Variants in NUP214 observed in about 807,000 individuals in gnomAD.
NUP214 encodes nucleoporin 214.
A neutral mutation model predicts 196.2 loss-of-function variants in NUP214; 79 were observed. The ratio of observed to expected loss-of-function variants is 0.40; its 90% CI spans 0.34 to 0.49. The LOEUF (loss-of-function observed/expected upper bound fraction) is 0.49, where lower values mean the gene tolerates loss of function less well. Among genes scored for constraint, NUP214 ranks in the 20% least tolerant of loss-of-function variants. NUP214 has a pLI of 0.58. For missense variants in NUP214, 2,468 were observed against 2,539.0 expected (o/e 0.97, Z 0.60); for synonymous variants, 1,020 against 990.5 (o/e 1.03, Z -0.56).
chr9:131,165,524 G>A (rs1426725423), intron 21 of NUP214, among the ~76,000 whole-genome samples: 1 of 152,124 alleles, frequency 6.6e-6, no homozygotes, highest in Admixed American at 6.5e-5. Flanking sequence ...ACTATTGGTG[G>A]GAATGTGAAA....
chr9:131,224,400 A>G (rs2131099065), intron 32 of NUP214, among the ~76,000 whole-genome samples: 1 of 152,186 alleles, frequency 6.6e-6, no homozygotes, highest in Non-Finnish European at 1.5e-5. Context: ...TTTTTTTAAG[A>G]CAGGTGGTCC....
At position 131,150,188 on chromosome 9, in the gene NUP214, A is replaced by G. The variant is rs976823938; in HGVS notation, c.2041-136A>G. The G allele has an allele frequency of 7.0e-6, 5 of 716,622 alleles. No individual in the cohort carries two copies. The Admixed American group carries it at 9.6e-5, about 14-fold the overall frequency. The allele number at this position is 716,622 out of a possible 1,614,324, so 44.4% of individuals were successfully genotyped here. ...ATGCCTTACACAAAGTAGAGACCCTATAAATAAGGATTCGTTACAATGAGT... is the reference window on the plus strand; with the variant it reads ...ATGCCTTACACAAAGTAGAGACCCTGTAAATAAGGATTCGTTACAATGAGT... On this transcript the variant is annotated intron_variant, in intron 14 of 35. Transcript: ENST00000359428.
intron 30 of NUP214, among the ~76,000 whole-genome samples, chr9:131,207,051 G>T (rs182928364): frequency 1.5e-4 from 23 of 152,294 alleles, no homozygotes; most frequent in African/African-American, 5.5e-4. Flanking sequence ...GAACTTTCAG[G>T]TAGCAGAAGT....
rs1427283338 is a variant in NUP214 at position 131,140,679 on chromosome 9, A to T, written c.1263A>T (p.Ser421=). ...TCATCAAAACACCAGAGCGACTTTC[A>T]TTAGAAGGAGAGCGACAGCCCAAGT... ...KSLIKTPERL[S]LEGERQPKSP... Residue 421 remains serine (S), a synonymous_variant, in exon 11 of 36, where the codon TCA becomes TCT. Transcript: ENST00000359428. 1.2e-6 allele frequency: 2 copies of T among 1,613,848 alleles called. No homozygotes were observed. Among genetic ancestry groups the T allele is most frequent in the Non-Finnish European group, 1.7e-6 (2 of 1,179,952 alleles).
chr9:131,183,109 G>C (rs1312089267), intron 24 of NUP214, among the ~76,000 whole-genome samples: 2 of 152,152 alleles, frequency 1.3e-5, no homozygotes, highest in Non-Finnish European at 2.9e-5. Context: ...CCCCCAGATG[G>C]ATTCTTCTTC....
At chr9:131,147,850 G>A (rs1564184889) in intron 14 of NUP214, among the ~76,000 whole-genome samples, 1 of 152,216 alleles carries the variant, frequency 6.6e-6, no homozygotes, top group African/African-American at 2.4e-5. Context: ...GTCAACAACT[G>A]AACATACCTT....
At chr9:131,195,513 T>C in intron 28 of NUP214, 1 of 479,946 alleles carries the variant, frequency 2.1e-6, no homozygotes, top group Non-Finnish European at 3.7e-6. Flanking sequence ...AGGATTTGCT[T>C]CTAGAAAATC....
In NUP214 at chr9:131,129,262, C is replaced by T. The variant is rs1831455187; in HGVS notation, c.394-17C>T. The T allele has an allele frequency of 6.2e-7, 1 of 1,606,336 alleles. No individual in the cohort carries two copies. The highest frequency in any genetic ancestry group is 1.3e-5 in the African/African-American group (1 of 74,672). The stretch of plus-strand genomic sequence containing the variant: ...TATTTGTTAACTTATTTCACTTTTG[C>T]ATATTTGTTTTAAAAGGCTAAACAG... On this transcript the variant is annotated splice_polypyrimidine_tract_variant and intron_variant, in intron 3 of 35. Coordinates refer to ENST00000359428, the MANE Select transcript of NUP214 (RefSeq NM_005085.4).
At chr9:131,130,958 A>G (rs1169403801) in intron 5 of NUP214, 122 bp downstream of exon 5, 2 of 715,616 alleles carry the variant, frequency 2.8e-6, no homozygotes, top group Non-Finnish European at 4.8e-6. Flanking sequence ...TAACAAATCC[A>G]TCAGTGAATG....
At chr9:131,192,778 A>C (rs1464667475) in intron 27 of NUP214, 1 of 152,654 alleles carries the variant, frequency 6.6e-6, no homozygotes, top group Non-Finnish European at 1.5e-5. Flanking sequence ...TCATCTCTAC[A>C]AAAAATTGAA....
intron 11 of NUP214, chr9:131,141,618 A>G (rs1831918318): frequency 6.6e-6 from 1 of 151,654 alleles, no homozygotes; most frequent in African/African-American, 2.4e-5. Flanking sequence ...AGCTGGAACT[A>G]CAAGCATGCG....
In NUP214 at chr9:131,233,959, T is replaced by C. The variant is rs1834947269; in HGVS notation, c.*472T>C. 1 of 306,530 alleles carries C rather than the reference T, an allele frequency of 3.3e-6. No homozygotes were observed. The highest frequency in any genetic ancestry group is 4.7e-5 in the Admixed American group (1 of 21,098). The allele number at this position is 306,530 out of a possible 1,614,324, so 19.0% of individuals were successfully genotyped here. ...GCTGAAACTTGGTTATCTCCTCTCC[T>C]TGTTCTTTTAGCCATTGTGTATCAG... On this transcript the variant is annotated 3_prime_UTR_variant, in exon 36 of 36. Coordinates refer to ENST00000359428, the MANE Select transcript of NUP214 (RefSeq NM_005085.4).
At chr9:131,187,029 G>T in intron 24 of NUP214, 2 of 432,302 alleles carry the variant, frequency 4.6e-6, no homozygotes, top group Non-Finnish European at 4.2e-6. Context: ...AGTTCTGAAT[G>T]GTTACTAATT....
chr9:131,191,984 C>G (rs1833614355), intron 26 of NUP214: 1 of 407,960 alleles, frequency 2.5e-6, no homozygotes, highest in Admixed American at 4.2e-5. Flanking sequence ...ACACCTTAGA[C>G]TGGAATTAAC....
chr9:131,149,500 C>T lies in NUP214; in HGVS notation c.2041-824C>T, dbSNP rs528371152. ...AGTACCTGTCCCCAGTCCAGGCTGG[C>T]GGGAGGTCTTGTCAGCTCCACCCTC... On this transcript the variant is annotated intron_variant, in intron 14 of 35. Coordinates refer to ENST00000359428, the MANE Select transcript of NUP214 (RefSeq NM_005085.4). Among the ~76,000 whole-genome samples the T allele has an allele frequency of 7.3e-5, 11 of 149,876 alleles. No individual in the cohort carries two copies. The South Asian group carries it at 2.1e-3, about 29-fold the overall frequency.
At chr9:131,138,732 C>T (rs1271027971) in intron 9 of NUP214, among the ~76,000 whole-genome samples, 1 of 152,154 alleles carries the variant, frequency 6.6e-6, no homozygotes, top group Admixed American at 6.5e-5. Flanking sequence ...GAAAGCTGAC[C>T]AGCCTGAGGA....
chr9:131,200,523 A>G (rs1833910475), intron 29 of NUP214, among the ~76,000 whole-genome samples: 1 of 152,206 alleles, frequency 6.6e-6, no homozygotes, highest in Non-Finnish European at 1.5e-5. Context: ...CAGCCTGACC[A>G]ACATGGAGAA....
chr9:131,172,452 T>C (rs1424288646), intron 21 of NUP214, among the ~76,000 whole-genome samples: 1 of 152,220 alleles, frequency 6.6e-6, no homozygotes, highest in Non-Finnish European at 1.5e-5. Flanking sequence ...TTCTGGATAT[T>C]AGCCCTTTGT....
At chr9:131,127,415 TG>T in intron 1 of NUP214, 108 bp from the exon 2 acceptor site, 1 of 819,108 alleles carries the variant, frequency 1.2e-6, no homozygotes, top group Non-Finnish European at 2.0e-6. Flanking sequence ...AGACAGACCT[TG>T]GTCTCAGTAA....
Sources: allele counts gnomAD v4.1 joint callset (sites outside exome capture counted in the v4.1 genomes callset), GRCh38; gene constraint gnomAD v4.1.1; transcripts MANE v1.5; gene names NCBI Gene and HGNC (gene_info 2026-07-23, HGNC 2026-07-21).